KCNG3: variants seen among roughly 807,000 people sequenced by gnomAD.
The protein encoded by KCNG3 is voltage-gated potassium channel regulatory subunit KCNG3.
In KCNG3, 15 loss-of-function variants were observed where a neutral mutation model predicts 29.0. The observed-to-expected ratio is 0.52, with a 90% CI of 0.35 to 0.80. The LOEUF is 0.80. KCNG3 is among the 30% of genes least tolerant of loss of function. The pLI, the probability that KCNG3 is intolerant of heterozygous loss-of-function variation, is 0.01. For synonymous variants in KCNG3, 322 were observed against 248.9 expected, an observed-to-expected ratio of 1.29 and a Z score of -2.76; for missense variants, 512 against 605.7, an observed-to-expected ratio of 0.85 and a Z score of 1.62.
chr2:42,432,319 AT>A, the KCNG3 span, among the ~76,000 whole-genome samples: 6 of 152,246 alleles, frequency 3.9e-5, no homozygotes, highest in Non-Finnish European at 8.8e-5. Flanking sequence ...TGTTTTTGGA[AT>A]ACCTCCTCCA....
chr2:42,400,670 G>T, the KCNG3 span, among the ~76,000 whole-genome samples: 1 of 152,302 alleles, frequency 6.6e-6, no homozygotes, highest in East Asian at 1.9e-4. Context: ...CTAGGCTTAT[G>T]TCTTGTGACT....
chr2:42,393,020 C>A, the KCNG3 span, among the ~76,000 whole-genome samples: 1 of 152,004 alleles, frequency 6.6e-6, no homozygotes, highest in East Asian at 1.9e-4. Flanking sequence ...TTTACAAACA[C>A]AAATTGTTAT....
chr2:42,451,634 A>G (rs1366649505), intron 1 of KCNG3, among the ~76,000 whole-genome samples: 1 of 151,934 alleles, frequency 6.6e-6, no homozygotes, highest in Non-Finnish European at 1.5e-5. Context: ...CTGAAATAGG[A>G]GAATCTGCTT....
intron 1 of KCNG3, among the ~76,000 whole-genome samples, chr2:42,477,699 C>T (rs1479020527): frequency 2.0e-5 from 3 of 151,640 alleles, no homozygotes; most frequent in Non-Finnish European, 4.4e-5. Flanking sequence ...GCCAGCATAG[C>T]GAAAATCCGT....
intron 1 of KCNG3, among the ~76,000 whole-genome samples, chr2:42,451,527 C>G (rs1224802018): frequency 6.6e-6 from 1 of 151,894 alleles, no homozygotes; most frequent in Non-Finnish European, 1.5e-5. Flanking sequence ...GAGCTCGAGA[C>G]CAGCCTGGCC....
At chr2:42,475,314 C>G (rs1356261907) in intron 1 of KCNG3, among the ~76,000 whole-genome samples, 1 of 141,270 alleles carries the variant, frequency 7.1e-6, no homozygotes, top group Non-Finnish European at 1.5e-5. Flanking sequence ...ACAGAACAAG[C>G]CTCTGTCTCT....
chr2:42,452,351 T>C (rs1002887222), intron 1 of KCNG3, among the ~76,000 whole-genome samples: 1 of 151,272 alleles, frequency 6.6e-6, no homozygotes, highest in Non-Finnish European at 1.5e-5. Flanking sequence ...AAAGCATTTA[T>C]CCTTTGTGTT....
intron 1 of KCNG3, among the ~76,000 whole-genome samples, chr2:42,462,598 C>A (rs1343510604): frequency 1.3e-5 from 2 of 152,178 alleles, no homozygotes; most frequent in Non-Finnish European, 2.9e-5. Context: ...ACGAGAATCA[C>A]TTGAACCCAC....
At chr2:42,434,152 T>A in the KCNG3 span, among the ~76,000 whole-genome samples, 6 of 152,038 alleles carry the variant, frequency 3.9e-5, no homozygotes, top group Non-Finnish European at 7.4e-5. Context: ...CTAAAATTCA[T>A]ATAGTAATAC....
chr2:42,462,612 G>A (rs1424492463), intron 1 of KCNG3, among the ~76,000 whole-genome samples: 1 of 152,146 alleles, frequency 6.6e-6, no homozygotes, highest in Non-Finnish European at 1.5e-5. Context: ...AACCCACGAG[G>A]CAGACGTTAC....
At chr2:42,460,210 T>C (rs559876164) in intron 1 of KCNG3, among the ~76,000 whole-genome samples, 1 of 151,542 alleles carries the variant, frequency 6.6e-6, no homozygotes, top group South Asian at 2.1e-4. Context: ...ACAAAAAAAA[T>C]AGCAGGCATG....
chr2:42,488,894 A>C (rs953088950), intron 1 of KCNG3, among the ~76,000 whole-genome samples: 1 of 151,656 alleles, frequency 6.6e-6, no homozygotes, highest in African/African-American at 2.4e-5. Flanking sequence ...TAGTTCTGGA[A>C]GGTTATATTT....
chr2:42,416,089 G>A, the KCNG3 span, among the ~76,000 whole-genome samples: 1 of 151,974 alleles, frequency 6.6e-6, no homozygotes, highest in Non-Finnish European at 1.5e-5. Context: ...CAGCTGATTG[G>A]GATCAGCTGG....
chr2:42,476,308 C>CA (rs886825530), intron 1 of KCNG3, among the ~76,000 whole-genome samples: 171 of 143,444 alleles, frequency 1.2e-3, no homozygotes, highest in Middle Eastern at 7.1e-3. Context: ...CCAGTCTCTA[C>CA]AAAAAAAAAA....
chr2:42,487,520 T>C (rs1460480946), intron 1 of KCNG3, among the ~76,000 whole-genome samples: 1 of 151,986 alleles, frequency 6.6e-6, no homozygotes, highest in African/African-American at 2.4e-5. Flanking sequence ...GATGAATGAC[T>C]CCTCAATATA....
the KCNG3 span, among the ~76,000 whole-genome samples, chr2:42,431,944 C>A: frequency 6.6e-6 from 1 of 150,732 alleles, no homozygotes; most frequent in African/African-American, 2.4e-5. Flanking sequence ...GAGGCTGAGG[C>A]AGGAGAATCG....
chr2:42,418,172 A>G, the KCNG3 span, among the ~76,000 whole-genome samples: 1 of 152,132 alleles, frequency 6.6e-6, no homozygotes, highest in African/African-American at 2.4e-5. Flanking sequence ...CCATCATACA[A>G]TAATAACTCC....
chr2:42,444,718 A>C lies in KCNG3; in HGVS notation c.666-139T>G, dbSNP rs1672557225. The C allele has an allele frequency of 4.1e-6, 3 of 737,954 alleles. No individual in the cohort carries two copies. The highest frequency in any genetic ancestry group is 6.5e-6 in the Non-Finnish European group (3 of 460,656). 45.7% of individuals were successfully genotyped at this position (737,954 alleles called of 1,614,324 possible). On this transcript the variant is annotated intron_variant, in intron 1 of 1. Coordinates refer to ENST00000306078, the MANE Select transcript of KCNG3 (RefSeq NM_133329.6). This position sits in a 1 kb window ranked among gnomAD's most constrained non-coding sequence, Gnocchi z 5.8. ...AACATAAAGAACAGACAACATTAGC[A>C]ACATCATCAGACCACCAGGATGCAC...
rs1395437419 is a variant in KCNG3 at position 42,443,899 on chromosome 2, C to G, written c.*35G>C. ...AATATGAAGCAGCATCAAAGTCTTTCTATGAAGTGTATGCAAGAATTGATT... is the reference window on the plus strand; with the variant it reads ...AATATGAAGCAGCATCAAAGTCTTTGTATGAAGTGTATGCAAGAATTGATT... On this transcript the variant is annotated 3_prime_UTR_variant, in exon 2 of 2. Coordinates refer to ENST00000306078, the MANE Select transcript of KCNG3 (RefSeq NM_133329.6). 1.3e-6 allele frequency: 2 copies of G among 1,558,588 alleles called. No homozygotes were observed. Among genetic ancestry groups the G allele is most frequent in the Admixed American group, 3.7e-5 (2 of 53,510 alleles).
Sources: gnomAD v4.1 joint callset for allele counts (sites outside exome capture counted in the v4.1 genomes callset) on GRCh38, gnomAD v4.1.1 for gene constraint, Gnocchi (gnomAD v3.1) non-coding constraint, MANE v1.5 for transcripts, NCBI Gene and HGNC (gene_info 2026-07-23, HGNC 2026-07-21) for gene names.